Variants in R3HDM2 observed in about 807,000 individuals in gnomAD.
R3HDM2 encodes the protein R3H domain-containing protein 2.
A neutral mutation model predicts 124.5 loss-of-function variants in R3HDM2; 38 were observed. The observed-to-expected ratio is 0.31, with a 90% CI of 0.24 to 0.40. R3HDM2 has a LOEUF of 0.40. R3HDM2 is among the 10% of genes least tolerant of loss of function. The pLI is 1.00. For missense variants in R3HDM2, 869 were observed against 1,236.9 expected (o/e 0.70, Z 4.46); for synonymous variants, 391 against 448.0 (o/e 0.87, Z 1.61).
rs187517001 is a variant in R3HDM2, at chr12:57,275,227, C to T, written c.1344+5131G>A. 5.6e-3 allele frequency among the ~76,000 whole-genome samples: 850 copies of T among 152,166 alleles called. 3 individuals are homozygous for T. The highest frequency in any genetic ancestry group is 8.0e-3 in the Non-Finnish European group (543 of 68,000). On this transcript the variant is annotated intron_variant, in intron 14 of 23. Coordinates refer to ENST00000402412, the MANE Select transcript of R3HDM2 (RefSeq NM_001394031.1). ...AAAACATAAAGTGGGGAAAGGACAC[C>T]CTTTTCAACAAATGGTGCTGGGATA...
chr12:57,395,826 A>T lies in R3HDM2; in HGVS notation c.-105-8T>A. ...AAGAAACAAGTCTAACCTCTGGGGGAGGAGGGGGAAAAAAAAAAACAAGTT... is the reference window on the plus strand; with the variant it reads ...AAGAAACAAGTCTAACCTCTGGGGGTGGAGGGGGAAAAAAAAAAACAAGTT... On this transcript the variant is annotated splice_polypyrimidine_tract_variant and splice_region_variant and intron_variant, in intron 1 of 23. Coordinates refer to ENST00000402412, the MANE Select transcript of R3HDM2 (RefSeq NM_001394031.1). The T allele has an allele frequency of 1.0e-6, 1 of 977,592 alleles. No homozygotes were observed. Among genetic ancestry groups the T allele is most frequent in the Non-Finnish European group, 1.2e-6 (1 of 823,294 alleles). The allele number at this position is 977,592 out of a possible 1,614,324, so 60.6% of individuals were successfully genotyped here.
chr12:57,326,918 G>A (rs1322432508), intron 2 of R3HDM2, among the ~76,000 whole-genome samples: 4 of 151,952 alleles, frequency 2.6e-5, no homozygotes, highest in African/African-American at 9.7e-5. Context: ...AAAGAAACCT[G>A]GATGACAGCG....
At chr12:57,391,653 T>C (rs1212817432) in intron 2 of R3HDM2, among the ~76,000 whole-genome samples, 1 of 152,208 alleles carries the variant, frequency 6.6e-6, no homozygotes, top group Non-Finnish European at 1.5e-5. Flanking sequence ...AACTTTAATA[T>C]TGTACTATAG....
chr12:57,343,605 T>A (rs993290709), intron 2 of R3HDM2, among the ~76,000 whole-genome samples: 2 of 151,994 alleles, frequency 1.3e-5, no homozygotes, highest in African/African-American at 4.8e-5. Flanking sequence ...TGTATAGCTA[T>A]GGTCAAGGCA....
chr12:57,272,558 T>C, intron 14 of R3HDM2: 2 of 1,310,828 alleles, frequency 1.5e-6, no homozygotes, highest in Non-Finnish European at 2.0e-6. Context: ...GGACTGGCTG[T>C]GGGCCAGCAG....
At chr12:57,402,967 CT>C in intron 1 of R3HDM2, among the ~76,000 whole-genome samples, 1 of 152,242 alleles carries the variant, frequency 6.6e-6, no homozygotes, top group Non-Finnish European at 1.5e-5. Context: ...ACATACTTGC[CT>C]TTTTTATGCT....
chr12:57,417,554 T>C (rs1343621538), intron 1 of R3HDM2, among the ~76,000 whole-genome samples: 1 of 152,250 alleles, frequency 6.6e-6, no homozygotes, highest in Non-Finnish European at 1.5e-5. Flanking sequence ...TGATCTAATA[T>C]GTATAATTTG....
intron 7 of R3HDM2, among the ~76,000 whole-genome samples, chr12:57,297,606 C>G (rs2050168935): frequency 6.6e-6 from 1 of 152,140 alleles, no homozygotes; most frequent in Non-Finnish European, 1.5e-5. Flanking sequence ...TGCAGGTCCT[C>G]CAATCATATA....
At chr12:57,331,738 C>G (rs1298780000) in intron 2 of R3HDM2, among the ~76,000 whole-genome samples, 2 of 151,732 alleles carry the variant, frequency 1.3e-5, no homozygotes, top group Non-Finnish European at 2.9e-5. Context: ...CACGGTGAAA[C>G]CCCGTCTCCG....
At chr12:57,282,018 A>C (rs2046265370) in intron 13 of R3HDM2, among the ~76,000 whole-genome samples, 1 of 152,156 alleles carries the variant, frequency 6.6e-6, no homozygotes, top group East Asian at 1.9e-4. Flanking sequence ...GCCATATTCA[A>C]GAAATGGTTG....
intron 2 of R3HDM2, among the ~76,000 whole-genome samples, chr12:57,342,897 G>A (rs997766469): frequency 6.6e-6 from 1 of 152,122 alleles, no homozygotes; most frequent in Non-Finnish European, 1.5e-5. Flanking sequence ...GGGGCAGAAG[G>A]CAGACAGCAC....
chr12:57,268,429 A>G lies in R3HDM2; in HGVS notation c.1904T>C (p.Val635Ala). 1 of 1,614,116 alleles carries G rather than the reference A, an allele frequency of 6.2e-7. No homozygotes were observed. The highest frequency in any genetic ancestry group is 8.5e-7 in the Non-Finnish European group (1 of 1,180,024). ...GGGTTGCTGGAAAGGCGGCTGGACC[A>G]CATTTTGCGAGTCACTACCCACTGG... ...QVPVGSDSQN[V>A]VQPPFQQPML... The change falls in exon 18 of 24, where the codon GTG (valine) becomes GCG (alanine). Residue 635 changes from valine (V) to alanine (A), a missense_variant. Val to Ala is a moderately conservative substitution (Grantham distance 64, BLOSUM62 0). Around this residue, in one of 2 missense-constraint regions of R3HDM2, gnomAD observed 602 missense variants for 789.2 expected, o/e 0.76. Coordinates refer to ENST00000402412, the MANE Select transcript of R3HDM2 (RefSeq NM_001394031.1).
chr12:57,267,944 T>C (rs751090208), intron 18 of R3HDM2, among the ~76,000 whole-genome samples: 16 of 152,206 alleles, frequency 1.1e-4, no homozygotes, highest in African/African-American at 2.2e-4. Context: ...ATCAGTTTCA[T>C]TGATAAACAG....
In R3HDM2 at chr12:57,296,375, A is replaced by AG; in HGVS notation, c.701+35dup. 6.5e-7 allele frequency: 1 copy of AG among 1,549,968 alleles called. No individual in the cohort carries two copies. Among genetic ancestry groups the AG allele is most frequent in the South Asian group, 1.2e-5 (1 of 83,976 alleles). Reference sequence around the variant, plus strand: ...CTCTTCCAACCCAGCAGGTTATCCCAGGGAAGTCTTCCCAAACCATGGTTT... The same window carrying AG: ...CTCTTCCAACCCAGCAGGTTATCCCAGGGGAAGTCTTCCCAAACCATGGTTT... On this transcript the variant is annotated intron_variant, in intron 9 of 23. Transcript: ENST00000402412. The surrounding 1 kb of genome is among the most constrained non-coding windows in gnomAD (Gnocchi z 4.5).
Position 57,269,064 on chromosome 12 carries a change from G to A in R3HDM2, c.1733C>T (p.Pro578Leu), listed in dbSNP as rs2043057693. Residue 578 changes from proline (P) to leucine (L), a missense_variant, in exon 17 of 24, where the codon CCT becomes CTT. Pro to Leu is a moderately conservative substitution (Grantham distance 98). This residue lies in a region of R3HDM2 where 602 missense variants were observed against 789.2 expected (regional missense o/e 0.76). Coordinates refer to ENST00000402412, the MANE Select transcript of R3HDM2 (RefSeq NM_001394031.1). ...TTGGTAAGCCGCCTGCTGCTGGTTA[G>A]GCATCATGGGCTGTAAACCTAGAGA... The part of the protein sequence containing the change: ...SQQPGLQPMM[P>L]NQQQAAYQGM... The A allele has an allele frequency of 6.2e-7, 1 of 1,614,112 alleles. No homozygotes were observed. Among genetic ancestry groups the A allele is most frequent in the Non-Finnish European group, 8.5e-7 (1 of 1,180,050 alleles).
At chr12:57,357,554 GGT>G (rs1002515595) in intron 2 of R3HDM2, among the ~76,000 whole-genome samples, 1 of 151,720 alleles carries the variant, frequency 6.6e-6, no homozygotes, top group African/African-American at 2.4e-5. Flanking sequence ...ATACTGGTAA[GGT>G]GTGTGTGTCT....
chr12:57,383,549 A>G (rs946931925), intron 2 of R3HDM2, among the ~76,000 whole-genome samples: 18 of 149,430 alleles, frequency 1.2e-4, no homozygotes, highest in Admixed American at 6.0e-4. Flanking sequence ...CAAAAATACA[A>G]AAAAAAAAAT....
chr12:57,429,140 C>T (rs924295450), intron 1 of R3HDM2, among the ~76,000 whole-genome samples: 4 of 152,082 alleles, frequency 2.6e-5, no homozygotes, highest in South Asian at 2.1e-4. Flanking sequence ...AATCCCAGTG[C>T]TTTTGGGAGT....
At chr12:57,413,847 CTTTTTTT>C (rs56189620) in intron 1 of R3HDM2, among the ~76,000 whole-genome samples, 7 of 120,534 alleles carry the variant, frequency 5.8e-5, no homozygotes, top group African/African-American at 2.2e-4. Context: ...AATCCCCCCC[CTTTTTTT>C]TTTTTTTTTT....
Sources: gnomAD v4.1 joint callset for allele counts (sites outside exome capture counted in the v4.1 genomes callset) on GRCh38, gnomAD v4.1.1 for gene constraint, gnomAD v4.1.1 regional missense constraint, Gnocchi (gnomAD v3.1) non-coding constraint, MANE v1.5 for transcripts, NCBI Gene and HGNC (gene_info 2026-07-23, HGNC 2026-07-21) for gene names.